The following TTLL12 variants were observed in gnomAD, a reference collection of about 807,000 sequenced individuals.
TTLL12 encodes tubulin--tyrosine ligase-like protein 12.
TTLL12 carries 77 observed loss-of-function variants against 79.6 expected under a neutral mutation model. That is an observed-to-expected ratio of 0.97 (90% CI 0.81 to 1.17). TTLL12 has a LOEUF of 1.17. Among genes scored for constraint, TTLL12 ranks in the 50% most tolerant of loss-of-function variants. TTLL12 has a pLI of 0.00. For synonymous variants in TTLL12, 437 were observed against 376.1 expected (o/e 1.16, Z -1.87); for missense variants, 969 against 895.9 (o/e 1.08, Z -1.04).
rs566368728 is a variant in TTLL12 at position 43,167,987 on chromosome 22, G to A, written c.*21C>T. On this transcript the variant is annotated 3_prime_UTR_variant, in exon 14 of 14. Transcript: ENST00000216129. ...AGGTTGGAATCCTGCCCCAAGCACAGGTTTTGGGGACAGCGAGTGCCTAGA... is the reference window on the plus strand; with the variant it reads ...AGGTTGGAATCCTGCCCCAAGCACAAGTTTTGGGGACAGCGAGTGCCTAGA... 2.0e-5 allele frequency: 32 copies of A among 1,610,516 alleles called. No homozygotes were observed. The South Asian group carries it at 2.5e-4, about 13-fold the overall frequency.
At chr22:43,186,836 G>A (rs1445507123) in intron 1 of TTLL12, 57 bp downstream of exon 1, 6 of 1,231,418 alleles carry the variant, frequency 4.9e-6, no homozygotes, top group Non-Finnish European at 3.0e-6. Flanking sequence ...CCGCGCCGCG[G>A]GCTCCCGCCG....
At chr22:43,178,297 G>A (rs1470576491) in intron 5 of TTLL12, among the ~76,000 whole-genome samples, 1 of 124,276 alleles carries the variant, frequency 8.0e-6, no homozygotes, top group Non-Finnish European at 1.6e-5. Context: ...ACACAAACAC[G>A]CCACCACTCC....
chr22:43,185,272 TA>T, intron 1 of TTLL12, among the ~76,000 whole-genome samples: 1 of 32,928 alleles, frequency 3.0e-5, no homozygotes, highest in South Asian at 1.3e-3. Context: ...TATATATATA[TA>T]TATATATATA....
chr22:43,170,273 T>TG (rs1161144982), intron 11 of TTLL12: 2 of 272,700 alleles, frequency 7.3e-6, no homozygotes, highest in South Asian at 7.5e-5. Context: ...GGGGCCCTGC[T>TG]GGGGGGTCTG....
At chr22:43,168,694 G>A (rs1931681520) in intron 13 of TTLL12, 80 bp downstream of exon 13, 1 of 1,522,320 alleles carries the variant, frequency 6.6e-7, no homozygotes, top group Non-Finnish European at 8.8e-7. Flanking sequence ...TGGGGCAGCT[G>A]CCTGCCTTCT....
rs530024219 is a variant in TTLL12 at position 43,169,667 on chromosome 22, G to A, written c.1576-99C>T. On this transcript the variant is annotated intron_variant, in intron 11 of 13. Coordinates refer to ENST00000216129, the MANE Select transcript of TTLL12 (RefSeq NM_015140.4). ...CTGGACCAGGAGCTTCTGACACTGG[G>A]TGGGGGTTCCAGGAGCAGGCAGCCA... is the stretch of plus-strand genomic sequence containing the variant. 5.1e-5 allele frequency: 68 copies of A among 1,340,964 alleles called. No individual in the cohort carries two copies. In the Admixed American group the frequency reaches 1.1e-3, roughly 21 times the overall value. The allele number at this position is 1,340,964 out of a possible 1,614,324, so 83.1% of individuals were successfully genotyped here.
chr22:43,181,700 C>CAG (rs1932060637), intron 2 of TTLL12, among the ~76,000 whole-genome samples: 1 of 152,226 alleles, frequency 6.6e-6, no homozygotes, highest in Non-Finnish European at 1.5e-5. Flanking sequence ...CCAGCTTGCC[C>CAG]CCGTCTCTGT....
chr22:43,180,716 T>C (rs1391131772), intron 3 of TTLL12, 26 bp downstream of exon 3: 1 of 1,610,256 alleles, frequency 6.2e-7, no homozygotes, highest in African/African-American at 1.3e-5. Flanking sequence ...GTCCTCCCCC[T>C]CCCCGGGGCC....
intron 9 of TTLL12, among the ~76,000 whole-genome samples, chr22:43,172,791 G>A (rs1569484059): frequency 1.3e-5 from 2 of 151,392 alleles, no homozygotes; most frequent in African/African-American, 2.4e-5. Context: ...TCTGCCTCCC[G>A]GGTTCAAGCG....
chr22:43,167,744 T>G lies in TTLL12; in HGVS notation c.*264A>C. On this transcript the variant is annotated 3_prime_UTR_variant, in exon 14 of 14. Coordinates refer to ENST00000216129, the MANE Select transcript of TTLL12 (RefSeq NM_015140.4). ...AACTGGAGACTCATCAGTGCACAGA[T>G]GGTGGTGAGGGGTGAGGGCAGGGCG... 1 of 386,534 alleles carries G rather than the reference T, an allele frequency of 2.6e-6. No homozygotes were observed. Among genetic ancestry groups the G allele is most frequent in the Non-Finnish European group, 4.8e-6 (1 of 210,426 alleles). 23.9% of individuals were successfully genotyped at this position (386,534 alleles called of 1,614,324 possible). A position where few individuals can be genotyped will look rare whatever the true frequency, so the allele number is the denominator to read the frequency against.
intron 1 of TTLL12, among the ~76,000 whole-genome samples, chr22:43,185,293 ATATATATG>A (rs1932155593): frequency 6.1e-5 from 6 of 97,708 alleles, no homozygotes; most frequent in Admixed American, 1.2e-4. Flanking sequence ...ATATATATAT[ATATATATG>A]TATGTATCTT....
intron 11 of TTLL12, chr22:43,170,050 C>T (rs1601766673): frequency 5.5e-6 from 2 of 363,186 alleles, no homozygotes; most frequent in East Asian, 7.4e-5. Context: ...GGCCTCAAGA[C>T]TTTACCCAAA....
chr22:43,182,850 C>G, intron 2 of TTLL12, 130 bp downstream of exon 2: 5 of 1,282,914 alleles, frequency 3.9e-6, no homozygotes, highest in Non-Finnish European at 5.3e-6. Context: ...GCTGGCCACA[C>G]GTGCTTGCCA....
Position 43,176,330 on chromosome 22 carries a change from G to A in TTLL12, c.907C>T (p.His303Tyr), listed in dbSNP as rs146802917. The part of the protein sequence containing the change: ...DINPVVHPHG[H>Y]IFKVYTDVQQ... ...GGGGGGGCTACGCACTTGAAGATGT[G>A]GCCGTGGGGGTGCACCACGGGGTTG... The change falls in exon 6 of 14, where the codon CAC becomes TAC. Residue 303 changes from histidine (H) to tyrosine (Y), a missense_variant. Physicochemically the swap from His to Tyr is moderately conservative, Grantham distance 83. Coordinates refer to ENST00000216129, the MANE Select transcript of TTLL12 (RefSeq NM_015140.4). The A allele has an allele frequency of 1.3e-6, 2 of 1,597,392 alleles. No individual in the cohort carries two copies. Among genetic ancestry groups the A allele is most frequent in the Non-Finnish European group, 1.7e-6 (2 of 1,172,958 alleles).
chr22:43,170,289 T>C (rs1252460338), intron 11 of TTLL12: 1 of 254,016 alleles, frequency 3.9e-6, no homozygotes, highest in African/African-American at 2.3e-5. Flanking sequence ...GTCTGGGTCC[T>C]AGGGAGTAGG....
chr22:43,180,436 G>A (rs1488644816), intron 3 of TTLL12, among the ~76,000 whole-genome samples: 1 of 152,166 alleles, frequency 6.6e-6, no homozygotes, highest in African/African-American at 2.4e-5. Flanking sequence ...AGTCCCCGGA[G>A]AGGCCAGCAG....
chr22:43,176,211 G>C, intron 6 of TTLL12, 109 bp downstream of exon 6: 1 of 805,286 alleles, frequency 1.2e-6, no homozygotes, highest in Non-Finnish European at 2.1e-6. Flanking sequence ...CGGCTGACTT[G>C]CTGCGTGCCA....
At chr22:43,181,959 G>A (rs1163392614) in intron 2 of TTLL12, among the ~76,000 whole-genome samples, 1 of 143,102 alleles carries the variant, frequency 7.0e-6, no homozygotes, top group Non-Finnish European at 1.6e-5. Context: ...AGGATGGAGA[G>A]CTTGTTAGGG....
intron 6 of TTLL12, 143 bp from the exon 7 acceptor site, chr22:43,174,758 G>A: frequency 1.6e-6 from 1 of 633,822 alleles, no homozygotes; most frequent in Non-Finnish European, 2.7e-6. Flanking sequence ...CATGATGCTG[G>A]ACAGCCCGGG....
Sources: gnomAD v4.1 joint callset for allele counts (sites outside exome capture counted in the v4.1 genomes callset) on GRCh38, gnomAD v4.1.1 for gene constraint, MANE v1.5 for transcripts, NCBI Gene and HGNC (gene_info 2026-07-23, HGNC 2026-07-21) for gene names.